CACNA2D3: variants seen among roughly 807,000 people sequenced by gnomAD.
The protein encoded by CACNA2D3 is calcium voltage-gated channel auxiliary subunit alpha2delta 3.
CACNA2D3 carries 60 observed loss-of-function variants against 160.6 expected under a neutral mutation model. That is an observed-to-expected ratio of 0.37 (90% confidence interval 0.30 to 0.46). CACNA2D3 has a LOEUF of 0.46. Among genes scored for constraint, CACNA2D3 ranks in the 20% least tolerant of loss-of-function variants. CACNA2D3 has a pLI of 1.00. For synonymous variants in CACNA2D3, 558 were observed against 492.9 expected, an observed-to-expected ratio of 1.13 and a Z score of -1.75; for missense variants, 1,205 against 1,365.0, an observed-to-expected ratio of 0.88 and a Z score of 1.85.
chr3:54,219,822 C>A (rs1279766112), intron 2 of CACNA2D3, among the ~76,000 whole-genome samples: 1 of 152,074 alleles, frequency 6.6e-6, no homozygotes, highest in Non-Finnish European at 1.5e-5. Context: ...CACTCATAAT[C>A]TGCAGAGCCT....
intron 2 of CACNA2D3, among the ~76,000 whole-genome samples, chr3:54,182,104 A>G (rs1254994763): frequency 1.3e-5 from 2 of 152,166 alleles, no homozygotes; most frequent in Non-Finnish European, 2.9e-5. Flanking sequence ...CTGAAGTTAT[A>G]AAATAATTTT....
In CACNA2D3 at chr3:54,404,464, G is replaced by A. The variant is rs576029577; in HGVS notation, c.381+17690G>A. On this transcript the variant is annotated intron_variant, in intron 4 of 37. Coordinates refer to ENST00000474759, the MANE Select transcript of CACNA2D3 (RefSeq NM_018398.3). ...TTGATGAAAACTCTTAACAGTTTAG[G>A]TATAGATGGAAGGTTTCTCAGCATA... Among the ~76,000 whole-genome samples the A allele has an allele frequency of 1.4e-3, 209 of 152,208 alleles. 2 individuals carry two copies. Among genetic ancestry groups the A allele is most frequent in the Non-Finnish European group, 2.6e-3 (176 of 67,986 alleles).
intron 2 of CACNA2D3, among the ~76,000 whole-genome samples, chr3:54,276,251 A>AG (rs753784560): frequency 6.6e-5 from 10 of 152,100 alleles, no homozygotes; most frequent in Non-Finnish European, 1.5e-4. Flanking sequence ...GGGATGAGAG[A>AG]GAAGGAAGAG....
intron 4 of CACNA2D3, among the ~76,000 whole-genome samples, chr3:54,459,007 G>A (rs1035730496): frequency 2.0e-5 from 3 of 152,032 alleles, no homozygotes; most frequent in Admixed American, 1.3e-4. Flanking sequence ...CCACCTATGA[G>A]TGAGAACATG....
At chr3:54,685,524 C>A (rs960923226) in intron 11 of CACNA2D3, among the ~76,000 whole-genome samples, 3 of 152,208 alleles carry the variant, frequency 2.0e-5, no homozygotes, top group Non-Finnish European at 4.4e-5. Context: ...ATGCCTTTTT[C>A]TAGAAGCTGT....
chr3:55,064,121 AG>A (rs1704578973), intron 35 of CACNA2D3, among the ~76,000 whole-genome samples: 1 of 152,188 alleles, frequency 6.6e-6, no homozygotes, highest in Non-Finnish European at 1.5e-5. Context: ...CAGCAGCCGC[AG>A]GGCTTCTCCC....
chr3:54,529,619 C>G (rs892848657), intron 5 of CACNA2D3, among the ~76,000 whole-genome samples: 2 of 152,134 alleles, frequency 1.3e-5, no homozygotes, highest in Non-Finnish European at 2.9e-5. Flanking sequence ...AGAGGCTTCT[C>G]CCTGGCAGAG....
At chr3:54,412,135 A>G (rs1575441229) in intron 4 of CACNA2D3, among the ~76,000 whole-genome samples, 2 of 152,150 alleles carry the variant, frequency 1.3e-5, no homozygotes, top group Admixed American at 6.5e-5. Flanking sequence ...TTTATTGATC[A>G]TAATGTCTGA....
chr3:54,718,317 C>T (rs563766539), intron 11 of CACNA2D3, among the ~76,000 whole-genome samples: 2 of 152,138 alleles, frequency 1.3e-5, no homozygotes, highest in African/African-American at 4.8e-5. Context: ...TTCCCTGCCC[C>T]AATGGTGGAT....
chr3:54,273,773 T>A (rs140486875), intron 2 of CACNA2D3, among the ~76,000 whole-genome samples: 17 of 152,308 alleles, frequency 1.1e-4, no homozygotes, highest in African/African-American at 4.1e-4. Flanking sequence ...TCCAGGTCAG[T>A]TCCCAGGTGT....
intron 29 of CACNA2D3, among the ~76,000 whole-genome samples, chr3:54,980,220 G>T (rs1702476515): frequency 6.6e-6 from 1 of 152,140 alleles, no homozygotes; most frequent in Non-Finnish European, 1.5e-5. Flanking sequence ...TGACCACGAG[G>T]TAAGATTTTC....
chr3:54,130,675 C>T (rs1699688703), intron 2 of CACNA2D3, among the ~76,000 whole-genome samples: 1 of 152,210 alleles, frequency 6.6e-6, no homozygotes, highest in Admixed American at 6.5e-5. Flanking sequence ...GCAGGGTCTA[C>T]ACATCTGGCC....
intron 11 of CACNA2D3, among the ~76,000 whole-genome samples, chr3:54,723,572 A>T (rs952833099): frequency 2.6e-5 from 4 of 152,206 alleles, no homozygotes; most frequent in African/African-American, 9.6e-5. Flanking sequence ...ATCATAGGAC[A>T]AGCACAGTTT....
intron 9 of CACNA2D3, among the ~76,000 whole-genome samples, chr3:54,618,715 C>A (rs1698917478): frequency 2.0e-5 from 3 of 152,078 alleles, no homozygotes; most frequent in African/African-American, 7.2e-5. Context: ...GCTGCTCCCC[C>A]AATCCTGGGC....
At chr3:54,429,591 G>C (rs1699959110) in intron 4 of CACNA2D3, among the ~76,000 whole-genome samples, 1 of 152,096 alleles carries the variant, frequency 6.6e-6, no homozygotes, top group South Asian at 2.1e-4. Flanking sequence ...CGTTCAGTGA[G>C]AGTTGAAAAG....
At chr3:54,815,361 T>C (rs1703425153) in intron 13 of CACNA2D3, among the ~76,000 whole-genome samples, 1 of 152,180 alleles carries the variant, frequency 6.6e-6, no homozygotes, top group South Asian at 2.1e-4. Context: ...AACATCTTGT[T>C]TGTTCGGTTC....
intron 11 of CACNA2D3, among the ~76,000 whole-genome samples, chr3:54,729,881 CCCAGT>C (rs1701352596): frequency 6.6e-6 from 1 of 151,722 alleles, no homozygotes; most frequent in Admixed American, 6.6e-5. Flanking sequence ...CGCCTGTAGT[CCCAGT>C]TACTCAGGAG....
intron 11 of CACNA2D3, among the ~76,000 whole-genome samples, chr3:54,690,366 T>G (rs149915346): frequency 2.5e-4 from 38 of 152,302 alleles, no homozygotes; most frequent in East Asian, 1.4e-3. Flanking sequence ...TGTTCATTGT[T>G]CCTCTCCAAT....
At chr3:54,862,812 T>G (rs1699320714) in intron 17 of CACNA2D3, among the ~76,000 whole-genome samples, 1 of 152,178 alleles carries the variant, frequency 6.6e-6, no homozygotes. Context: ...AAAGTTAACA[T>G]TTTGTAGTGT....
Sources: gnomAD v4.1 joint callset for allele counts (sites outside exome capture counted in the v4.1 genomes callset) on GRCh38, gnomAD v4.1.1 for gene constraint, MANE v1.5 for transcripts, NCBI Gene and HGNC (gene_info 2026-07-23, HGNC 2026-07-21) for gene names.